Variants in TNFSF15 observed in about 807,000 individuals in gnomAD.
The protein encoded by TNFSF15 is TNF superfamily member 15.
TNFSF15 carries 15 observed loss-of-function variants against 26.4 expected under a neutral mutation model. The observed-to-expected ratio is 0.57, with a 90% CI of 0.38 to 0.87. TNFSF15 has a LOEUF of 0.87. Among genes scored for constraint, TNFSF15 ranks in the 40% least tolerant of loss-of-function variants. The probability of loss-of-function intolerance (pLI) is 0.00; values close to 1 mark genes in which losing one functional copy is unlikely to be tolerated. For missense variants in TNFSF15, 290 were observed against 306.1 expected, an observed-to-expected ratio of 0.95 and a Z score of 0.39; for synonymous variants, 116 against 115.0, an observed-to-expected ratio of 1.01 and a Z score of -0.06.
rs564262061 is a variant in TNFSF15 at position 114,794,540 on chromosome 9, A to C, written c.211-972T>G. ...TGGGCACGTATTCAAAAGAAAAGAA[A>C]TGAATATATCAAAGGGATACTTGCG... On this transcript the variant is annotated intron_variant, in intron 1 of 3. Coordinates refer to ENST00000374045, the MANE Select transcript of TNFSF15 (RefSeq NM_005118.4). 2.0e-5 allele frequency among the ~76,000 whole-genome samples: 3 copies of C among 152,348 alleles called. No homozygotes were observed. The East Asian group carries it at 5.8e-4, about 29-fold the overall frequency.
rs1345298542 is a variant in TNFSF15 at position 114,786,024 on chromosome 9, T to A, written c.*4428A>T. The A allele has an allele frequency of 6.6e-6, 1 of 152,280 alleles. No homozygotes were observed. The highest frequency in any genetic ancestry group is 2.4e-5 in the African/African-American group (1 of 41,390). The allele number at this position is 152,280 out of a possible 1,614,324, so 9.4% of individuals were successfully genotyped here. ...CTCAGAGCTGGGGAAGTTGTAAATG[T>A]GGTTGTTAGAGGGTGACGGGGCATG... On this transcript the variant is annotated 3_prime_UTR_variant, in exon 4 of 4. Coordinates refer to ENST00000374045, the MANE Select transcript of TNFSF15 (RefSeq NM_005118.4).
chr9:114,791,570 G>A (rs1229715058), intron 3 of TNFSF15: 1 of 169,006 alleles, frequency 5.9e-6, no homozygotes, highest in Non-Finnish European at 1.4e-5. Context: ...TTTCTTATAG[G>A]TCAGGAGGGT....
At chr9:114,799,818 G>A (rs1365158390) in intron 1 of TNFSF15, among the ~76,000 whole-genome samples, 1 of 152,200 alleles carries the variant, frequency 6.6e-6, no homozygotes, top group Non-Finnish European at 1.5e-5. Flanking sequence ...GGATGTCTGA[G>A]ATTCACAGCC....
chr9:114,792,080 C>CA, intron 3 of TNFSF15: 1 of 282,412 alleles, frequency 3.5e-6, no homozygotes. Flanking sequence ...AGAAGACATC[C>CA]AAAAAACCCT....
rs1375105189 is a variant in TNFSF15 at position 114,789,332 on chromosome 9, T to C, written c.*1120A>G. On this transcript the variant is annotated 3_prime_UTR_variant, in exon 4 of 4. Coordinates refer to ENST00000374045, the MANE Select transcript of TNFSF15 (RefSeq NM_005118.4). ...AGTTATTATTTTATTTTTTTTTTTT[T>C]GGACAGAGTTTTGCTCTTGTTACCC... 1 of 152,192 alleles carries C rather than the reference T, an allele frequency of 6.6e-6. No homozygotes were observed. The highest frequency in any genetic ancestry group is 6.5e-5 in the Admixed American group (1 of 15,284). The allele number at this position is 152,192 out of a possible 1,614,324, so 9.4% of individuals were successfully genotyped here. A position where few individuals can be genotyped will look rare whatever the true frequency, so the allele number is the denominator to read the frequency against.
At chr9:114,792,194 C>CGT (rs997667106) in intron 3 of TNFSF15, 86 of 531,658 alleles carry the variant, frequency 1.6e-4, no homozygotes, top group Admixed American at 6.2e-4. Flanking sequence ...ATAAGGAAAA[C>CGT]GTGTGTGTGT....
rs1415077478 is a variant in TNFSF15, at chr9:114,792,222, TGTACACACAC to T, written c.301+175_301+184del. 77 of 602,850 alleles carry T rather than the reference TGTACACACAC, an allele frequency of 1.3e-4. No homozygotes were observed. In the African/African-American group the frequency reaches 1.6e-3, roughly 12 times the overall value. The allele number at this position is 602,850 out of a possible 1,614,324, so 37.3% of individuals were successfully genotyped here. ...GTGTGTGTGTGTATATACATATGTGTGTACACACACACACACACACACACACACACACACA... is the reference window on the plus strand; with the variant it reads ...GTGTGTGTGTGTATATACATATGTGTACACACACACACACACACACACACA... On this transcript the variant is annotated intron_variant, in intron 3 of 3. Coordinates refer to ENST00000374045, the MANE Select transcript of TNFSF15 (RefSeq NM_005118.4).
At position 114,792,515 on chromosome 9, in the gene TNFSF15, C is replaced by T. The variant is rs369835134; in HGVS notation, c.254-61G>A. 1.4e-4 allele frequency: 229 copies of T among 1,611,512 alleles called. 1 individual carries two copies. In the South Asian group the frequency reaches 2.0e-3, roughly 14 times the overall value. ...AAAGGGTGACTGAAATGAAGACGGCCCTTTGTGAGTTGCATGGCGCCTATG... is the reference window on the plus strand; with the variant it reads ...AAAGGGTGACTGAAATGAAGACGGCTCTTTGTGAGTTGCATGGCGCCTATG... On this transcript the variant is annotated intron_variant, in intron 2 of 3. Transcript: ENST00000374045.
At chr9:114,802,741 A>G (rs897919605) in intron 1 of TNFSF15, among the ~76,000 whole-genome samples, 2 of 152,118 alleles carry the variant, frequency 1.3e-5, no homozygotes, top group Non-Finnish European at 2.9e-5. Flanking sequence ...GAGGCTCAGT[A>G]ACTGGTATAG....
intron 1 of TNFSF15, among the ~76,000 whole-genome samples, chr9:114,796,763 AT>A (rs1391284783): frequency 6.6e-6 from 1 of 152,224 alleles, no homozygotes; most frequent in Non-Finnish European, 1.5e-5. Context: ...TCAACAGGAC[AT>A]GGGAGTAGTT....
At position 114,797,870 on chromosome 9, in the gene TNFSF15, A is replaced by C. The variant is rs545695251; in HGVS notation, c.211-4302T>G. On this transcript the variant is annotated intron_variant, in intron 1 of 3. Transcript: ENST00000374045. ...TGTGCTTATGACTTTTCTCGCTCTG[A>C]AAATTCAACCTGCCTACAGGTGGGG... Among the ~76,000 whole-genome samples the C allele has an allele frequency of 3.3e-5, 5 of 152,342 alleles. No individual in the cohort carries two copies. The East Asian group carries it at 5.8e-4, about 18-fold the overall frequency.
chr9:114,790,716 T>C lies in TNFSF15; in HGVS notation c.492A>G (p.Glu164=). The change falls in exon 4 of 4, where the codon GAA becomes GAG. Residue 164 remains glutamate (E), a synonymous_variant. Transcript: ENST00000374045. Reference sequence around the variant, plus strand: ...TGTTTGGTCGGCCTGCTTGTCTGATTTCACTGCACTCAGAGGTCATCCCAC... The same window carrying C: ...TGTTTGGTCGGCCTGCTTGTCTGATCTCACTGCACTCAGAGGTCATCCCAC... ...TFRGMTSECS[E]IRQAGRPNKP... 1 of 1,614,098 alleles carries C rather than the reference T, an allele frequency of 6.2e-7. No individual in the cohort carries two copies. Among genetic ancestry groups the C allele is most frequent in the Non-Finnish European group, 8.5e-7 (1 of 1,180,024 alleles).
rs768523743 is a variant in TNFSF15 at position 114,805,949 on chromosome 9, C to A, written c.64G>T (p.Gly22Cys). ...CTCCTGGCCTTGGGCCTGCAGCTGC[C>A]GTGCTCTGGCAGCATTTCCACACTG... ...TASVEMLPEHGSCRPKARSSS... is the reference protein window; with the variant it reads ...TASVEMLPEHCSCRPKARSSS... The change falls in exon 1 of 4, where the codon GGC becomes TGC. Residue 22 changes from glycine to cysteine, a missense_variant. Gly to Cys is a radical substitution (Grantham distance 159). Transcript: ENST00000374045. The A allele has an allele frequency of 7.4e-6, 12 of 1,614,084 alleles. No homozygotes were observed. The highest frequency in any genetic ancestry group is 1.7e-5 in the Admixed American group (1 of 60,026).
chr9:114,785,169 T>G lies in TNFSF15; in HGVS notation c.*5283A>C, dbSNP rs1564341853. 6.6e-6 allele frequency: 1 copy of G among 152,234 alleles called. No individual in the cohort carries two copies. Among genetic ancestry groups the G allele is most frequent in the Non-Finnish European group, 1.5e-5 (1 of 68,046 alleles). 9.4% of individuals were successfully genotyped at this position (152,234 alleles called of 1,614,324 possible). ...GACTGCTGGGCTTATTGTTAAGATA[T>G]CTAAATTCTACTTTTAGCATCCAAC... On this transcript the variant is annotated 3_prime_UTR_variant, in exon 4 of 4. Transcript: ENST00000374045.
At chr9:114,802,023 T>C (rs1385661688) in intron 1 of TNFSF15, among the ~76,000 whole-genome samples, 18 of 152,222 alleles carry the variant, frequency 1.2e-4, no homozygotes, top group Non-Finnish European at 4.4e-5. Flanking sequence ...TACCACATTA[T>C]ATATGCTGTT....
Position 114,790,729 on chromosome 9 carries a change from G to C in TNFSF15, c.479C>G (p.Ser160Cys), listed in dbSNP as rs1829583597. The change falls in exon 4 of 4, where the codon TCT (serine) becomes TGT (cysteine). Residue 160 changes from serine to cysteine, a missense_variant. Physicochemically the swap from Ser to Cys is moderately radical, Grantham distance 112. This residue lies in a region of TNFSF15 where 102 missense variants were observed against 114.7 expected (regional missense o/e 0.89). Transcript: ENST00000374045. ...TGCTTGTCTGATTTCACTGCACTCAGAGGTCATCCCACGGAATGTGACCTG... is the reference window on the plus strand; with the variant it reads ...TGCTTGTCTGATTTCACTGCACTCACAGGTCATCCCACGGAATGTGACCTG... Reference protein sequence around the residue: ...YSQVTFRGMTSECSEIRQAGR... With the variant: ...YSQVTFRGMTCECSEIRQAGR... 6.2e-7 allele frequency: 1 copy of C among 1,613,964 alleles called. No individual in the cohort carries two copies. The highest frequency in any genetic ancestry group is 1.3e-5 in the African/African-American group (1 of 74,896).
chr9:114,804,733 C>T (rs4979462), intron 1 of TNFSF15, among the ~76,000 whole-genome samples: 19,543 of 152,138 alleles, frequency 0.13, 2,940 homozygotes, highest in African/African-American at 0.33. Flanking sequence ...GGCATCTGGC[C>T]ATGAACGCTG....
chr9:114,793,599 A>G lies in TNFSF15; in HGVS notation c.211-31T>C, dbSNP rs769963377. 7.5e-6 allele frequency: 12 copies of G among 1,610,456 alleles called. No homozygotes were observed. The Admixed American group carries it at 2.0e-4, about 27-fold the overall frequency. Reference sequence around the variant, plus strand: ...GGGAAAGAAAGTATAGTTTAGACCAACTGTGGTCCTTTTGATCCCAACACT... The same window carrying G: ...GGGAAAGAAAGTATAGTTTAGACCAGCTGTGGTCCTTTTGATCCCAACACT... On this transcript the variant is annotated intron_variant, in intron 1 of 3. Transcript: ENST00000374045.
Position 114,792,414 on chromosome 9 carries a change from G to T in TNFSF15, c.294C>A (p.His98Gln). Residue 98 changes from histidine to glutamine, a missense_variant, in exon 3 of 4, where the codon CAC becomes CAA. His to Gln is a conservative substitution (Grantham distance 24, BLOSUM62 0). Around this residue, in one of 3 missense-constraint regions of TNFSF15, gnomAD observed 179 missense variants for 165.9 expected, o/e 1.08. Coordinates refer to ENST00000374045, the MANE Select transcript of TNFSF15 (RefSeq NM_005118.4). ...CACAGCAGGGAGGCTTACCTGTCAG[G>T]TGTGCCCTTGGCTTATCTCCGTCTG... The part of the protein sequence containing the change: ...LRADGDKPRA[H>Q]LTVVRQTPTQ... 6.2e-7 allele frequency: 1 copy of T among 1,614,044 alleles called. No individual in the cohort carries two copies. Among genetic ancestry groups the T allele is most frequent in the Non-Finnish European group, 8.5e-7 (1 of 1,179,922 alleles).
Sources: gnomAD v4.1 joint callset for allele counts (sites outside exome capture counted in the v4.1 genomes callset) on GRCh38, gnomAD v4.1.1 for gene constraint, gnomAD v4.1.1 regional missense constraint, MANE v1.5 for transcripts, NCBI Gene and HGNC (gene_info 2026-07-23, HGNC 2026-07-21) for gene names.